The following CUBN variants were observed in gnomAD, a reference collection of about 807,000 sequenced individuals.
The protein encoded by CUBN is 460 kDa receptor.
Under a neutral mutation model 405.3 loss-of-function variants are expected in CUBN, and 282 were observed. That is an observed-to-expected ratio of 0.70 (90% CI 0.63 to 0.77). CUBN has a LOEUF of 0.77. CUBN is among the 30% of genes least tolerant of loss of function. CUBN has a pLI of 0.00. For synonymous variants in CUBN, 1,684 were observed against 1,617.0 expected (o/e 1.04, Z -0.99); for missense variants, 4,514 against 4,475.2 (o/e 1.01, Z -0.25).
At chr10:16,883,478 A>C (rs1840721177) in intron 56 of CUBN, among the ~76,000 whole-genome samples, 1 of 152,236 alleles carries the variant, frequency 6.6e-6, no homozygotes, top group Non-Finnish European at 1.5e-5. Flanking sequence ...GAAACAACTG[A>C]GAAAGCAAAG....
chr10:16,954,344 A>T, intron 32 of CUBN, 45 bp downstream of exon 32: 1 of 1,608,354 alleles, frequency 6.2e-7, no homozygotes, highest in Non-Finnish European at 8.5e-7. Context: ...CAAACAGAGC[A>T]CTGAAGATTT....
At chr10:17,078,416 A>G (rs60146974) in intron 17 of CUBN, among the ~76,000 whole-genome samples, 5,549 of 152,166 alleles carry the variant, frequency 0.036, 353 homozygotes, top group African/African-American at 0.13. Context: ...CAGATCCTAC[A>G]TACAGGGTCT....
rs1208232714 is a variant in CUBN at position 16,907,763 on chromosome 10, C to T, written c.7534-84G>A. On this transcript the variant is annotated intron_variant, in intron 48 of 66. Transcript: ENST00000377833. ...GGAGGTGATATTTCCAGCCCAGACCCACTTCCTTTTATGGGAACCCTGCCC... is the reference window on the plus strand; with the variant it reads ...GGAGGTGATATTTCCAGCCCAGACCTACTTCCTTTTATGGGAACCCTGCCC... The T allele has an allele frequency of 1.1e-5, 16 of 1,447,302 alleles. No individual in the cohort carries two copies. The South Asian group carries it at 1.9e-4, about 17-fold the overall frequency. The allele number at this position is 1,447,302 out of a possible 1,614,324, so 89.7% of individuals were successfully genotyped here.
At chr10:17,079,517 G>A (rs945593224) in intron 17 of CUBN, among the ~76,000 whole-genome samples, 2 of 151,968 alleles carry the variant, frequency 1.3e-5, no homozygotes, top group African/African-American at 4.8e-5. Flanking sequence ...GGAGTTACAG[G>A]CATGAGCCAC....
chr10:16,862,158 T>TCACACA (rs796948941), intron 59 of CUBN, among the ~76,000 whole-genome samples: 271 of 90,818 alleles, frequency 3.0e-3, no homozygotes, highest in African/African-American at 3.6e-3. Flanking sequence ...TCTCTCTCTC[T>TCACACA]CTCACACACA....
rs1279573264 is a variant in CUBN at position 16,913,980 on chromosome 10, T to G, written c.7364A>C (p.Asp2455Ala). 6.2e-7 allele frequency: 1 copy of G among 1,613,918 alleles called. No individual in the cohort carries two copies. Among genetic ancestry groups the G allele is most frequent in the African/African-American group, 1.3e-5 (1 of 74,970 alleles). Reference sequence around the variant, plus strand: ...AAATGTTCCAATAGAGCCCTGAAGATCCCCACCACACTCTGACGTGGGGAA... The same window carrying G: ...AAATGTTCCAATAGAGCCCTGAAGAGCCCCACCACACTCTGACGTGGGGAA... ...FESSMEECGG[D>A]LQGSIGTFTS... is the part of the protein sequence containing the mutation. The change falls in exon 48 of 67, where the codon GAT becomes GCT. Residue 2455 changes from aspartate to alanine, a missense_variant. Physicochemically the swap from Asp to Ala is moderately radical, Grantham distance 126. Around this residue, in one of 5 missense-constraint regions of CUBN, gnomAD observed 1,613 missense variants for 1,542.8 expected, o/e 1.05. Coordinates refer to ENST00000377833, the MANE Select transcript of CUBN (RefSeq NM_001081.4).
At chr10:17,030,296 C>T (rs1311377158) in intron 27 of CUBN, among the ~76,000 whole-genome samples, 12 of 151,854 alleles carry the variant, frequency 7.9e-5, no homozygotes, top group Non-Finnish European at 7.4e-5. Context: ...ACCCCACCCC[C>T]GGTCCGTGGA....
rs1247314022 is a variant in CUBN at position 17,111,032 on chromosome 10, T to C, written c.902A>G (p.Tyr301Cys). ...ACATTCATTGATATCTTCGCAAATA[T>C]ATCCATTGCCTTGCCAGCCTAGGAA... ...ACPTGWQGNGYICEDINECEI... is the reference protein window; with the variant it reads ...ACPTGWQGNGCICEDINECEI... Residue 301 changes from tyrosine to cysteine, a missense_variant, in exon 9 of 67, where the codon TAT (tyrosine) becomes TGT (cysteine). Around this residue, in one of 5 missense-constraint regions of CUBN, gnomAD observed 1,448 missense variants for 1,388.0 expected, o/e 1.04. Coordinates refer to ENST00000377833, the MANE Select transcript of CUBN (RefSeq NM_001081.4). 1.2e-6 allele frequency: 2 copies of C among 1,614,170 alleles called. No homozygotes were observed. Among genetic ancestry groups the C allele is most frequent in the South Asian group, 1.1e-5 (1 of 91,082 alleles).
intron 60 of CUBN, among the ~76,000 whole-genome samples, chr10:16,847,880 G>A (rs963768694): frequency 1.3e-5 from 2 of 148,532 alleles, no homozygotes; most frequent in African/African-American, 2.5e-5. Context: ...AAAGTGATTT[G>A]ATTATAATCT....
At chr10:16,892,655 C>T (rs1393066292) in intron 54 of CUBN, among the ~76,000 whole-genome samples, 1 of 151,950 alleles carries the variant, frequency 6.6e-6, no homozygotes, top group Non-Finnish European at 1.5e-5. Flanking sequence ...CCATGCCTGG[C>T]TAGTTTTTTG....
intron 27 of CUBN, among the ~76,000 whole-genome samples, chr10:17,021,582 G>A (rs754823682): frequency 1.3e-5 from 2 of 152,194 alleles, no homozygotes; most frequent in Admixed American, 6.5e-5. Flanking sequence ...GTGTTTGCAC[G>A]TGTCCGTGCA....
At chr10:17,002,985 A>C (rs1833930847) in intron 28 of CUBN, among the ~76,000 whole-genome samples, 1 of 152,234 alleles carries the variant, frequency 6.6e-6, no homozygotes, top group Non-Finnish European at 1.5e-5. Context: ...GCTTAAAAAT[A>C]TTTTAAGAGT....
At chr10:16,831,179 A>T (rs1364347984) in intron 65 of CUBN, 73 bp downstream of exon 65, 21 of 1,310,816 alleles carry the variant, frequency 1.6e-5, no homozygotes, top group Admixed American at 6.7e-5. Flanking sequence ...ATATAAAGTT[A>T]CTTTGCCTTT....
At chr10:16,869,552 G>T in intron 59 of CUBN, 84 bp downstream of exon 59, 1 of 983,202 alleles carries the variant, frequency 1.0e-6, no homozygotes, top group Non-Finnish European at 1.6e-6. Context: ...ATAATCAGGT[G>T]GGGGTGGGGG....
intron 28 of CUBN, among the ~76,000 whole-genome samples, chr10:16,994,658 G>A (rs1000474712): frequency 2.6e-5 from 4 of 152,134 alleles, no homozygotes; most frequent in Admixed American, 6.5e-5. Flanking sequence ...GTCGTCATCC[G>A]GTTACCTGTC....
rs372081310 is a variant in CUBN at position 17,115,434 on chromosome 10, C to T, written c.720+37G>A. ...GAGGAGGAGGAGCTACTAACCATGG[C>T]TCTCTGCAAGGAGGCACATTTGGGG... On this transcript the variant is annotated intron_variant, in intron 7 of 66. Transcript: ENST00000377833. 7.4e-6 allele frequency: 12 copies of T among 1,612,518 alleles called. No homozygotes were observed. The African/African-American group carries it at 1.2e-4, about 16-fold the overall frequency.
At chr10:17,090,922 C>T (rs1448995751) in intron 14 of CUBN, among the ~76,000 whole-genome samples, 1 of 147,950 alleles carries the variant, frequency 6.8e-6, no homozygotes, top group African/African-American at 2.5e-5. Context: ...TAAAAAACAA[C>T]AAAAAAGTTT....
chr10:16,986,409 C>A (rs1588552846), intron 29 of CUBN, among the ~76,000 whole-genome samples: 1 of 152,208 alleles, frequency 6.6e-6, no homozygotes, highest in South Asian at 2.1e-4. Flanking sequence ...GAACAAGAAG[C>A]CTACTTTGGG....
At chr10:16,828,136 C>G (rs1305418023) in intron 66 of CUBN, among the ~76,000 whole-genome samples, 2 of 151,912 alleles carry the variant, frequency 1.3e-5, no homozygotes. Context: ...GTATTCAACC[C>G]TAGGCAGTGC....
Sources: allele counts gnomAD v4.1 joint callset (sites outside exome capture counted in the v4.1 genomes callset), GRCh38; gene constraint gnomAD v4.1.1; regional missense constraint gnomAD v4.1.1; transcripts MANE v1.5; gene names NCBI Gene and HGNC (gene_info 2026-07-23, HGNC 2026-07-21).